Variants in EYA3 observed in about 807,000 individuals in gnomAD.
EYA3 encodes EYA transcriptional coactivator and phosphatase 3.
A neutral mutation model predicts 80.0 loss-of-function variants in EYA3; 39 were observed. The observed-to-expected ratio is 0.49, with a 90% confidence interval of 0.38 to 0.64. The LOEUF is 0.64. Among genes scored for constraint, EYA3 ranks in the 30% least tolerant of loss-of-function variants. The probability of loss-of-function intolerance (pLI) is 0.00; values close to 1 mark genes in which losing one functional copy is unlikely to be tolerated. For missense variants in EYA3, 523 were observed against 676.1 expected (o/e 0.77, Z 2.51); for synonymous variants, 206 against 232.8 (o/e 0.88, Z 1.05).
At chr1:28,046,861 T>G (rs1232199829) in intron 3 of EYA3, among the ~76,000 whole-genome samples, 1 of 148,376 alleles carries the variant, frequency 6.7e-6, no homozygotes. Context: ...TTTTTTTAAA[T>G]GAGACAGCAT....
intron 17 of EYA3, chr1:27,977,520 G>A (rs942469509): frequency 1.6e-5 from 15 of 922,040 alleles, no homozygotes; most frequent in Admixed American, 1.1e-4. Flanking sequence ...AAGTTCTATA[G>A]CCAAGACTCT....
intron 4 of EYA3, among the ~76,000 whole-genome samples, chr1:28,040,858 G>A (rs879920468): frequency 6.6e-6 from 1 of 151,866 alleles, no homozygotes; most frequent in South Asian, 2.1e-4. Flanking sequence ...GAGGGGCAGG[G>A]GGGGGTCGGG....
At chr1:27,978,712 C>G (rs1479021744) in intron 16 of EYA3, among the ~76,000 whole-genome samples, 1 of 152,200 alleles carries the variant, frequency 6.6e-6, no homozygotes, top group Non-Finnish European at 1.5e-5. Context: ...GCCTGTAATC[C>G]CAGCACTTTG....
At chr1:27,988,216 C>T (rs1308483900) in intron 16 of EYA3, among the ~76,000 whole-genome samples, 1 of 152,084 alleles carries the variant, frequency 6.6e-6, no homozygotes, top group Non-Finnish European at 1.5e-5. Context: ...TAACCTAGTG[C>T]TTTTTCTATT....
intron 16 of EYA3, among the ~76,000 whole-genome samples, chr1:27,984,671 G>A (rs1010871729): frequency 2.6e-5 from 4 of 152,200 alleles, no homozygotes; most frequent in East Asian, 1.9e-4. Context: ...GTGCCTTGGC[G>A]TTGCCTAGCA....
intron 4 of EYA3, among the ~76,000 whole-genome samples, chr1:28,039,134 G>A (rs985895202): frequency 1.3e-5 from 2 of 152,196 alleles, no homozygotes; most frequent in African/African-American, 4.8e-5. Context: ...GAAAAGAGCT[G>A]AAGGTTGGTA....
chr1:28,060,659 C>A (rs763002227), intron 1 of EYA3, among the ~76,000 whole-genome samples: 43 of 152,164 alleles, frequency 2.8e-4, no homozygotes, highest in African/African-American at 6.0e-4. Flanking sequence ...CTTTAAAATT[C>A]TCTGTCTTCT....
intron 1 of EYA3, among the ~76,000 whole-genome samples, chr1:28,074,222 T>C (rs1470594628): frequency 6.6e-6 from 1 of 152,218 alleles, no homozygotes; most frequent in Non-Finnish European, 1.5e-5. Flanking sequence ...TCAGATACCC[T>C]TTCCTTATTT....
In EYA3 at chr1:28,080,924, AT is replaced by A. The variant is rs758922041; in HGVS notation, c.-69+7599del. On this transcript the variant is annotated intron_variant, in intron 1 of 17. Coordinates refer to ENST00000373871, the MANE Select transcript of EYA3 (RefSeq NM_001990.4). Reference sequence around the variant, plus strand: ...TGCCACCATGCCTGGCTAATTTTGTATTTTTTTTTTTGGTAGAGACGGGGTT... The same window carrying A: ...TGCCACCATGCCTGGCTAATTTTGTATTTTTTTTTTGGTAGAGACGGGGTT... Among the ~76,000 whole-genome samples, 1,137 of 144,476 alleles carry A rather than the reference AT, an allele frequency of 7.9e-3. 6 individuals carry two copies. The highest frequency in any genetic ancestry group is 0.011 in the Non-Finnish European group (751 of 65,452). The allele number at this position is 144,476 out of a possible 152,430, so 94.8% of individuals were successfully genotyped here.
chr1:28,001,495 T>C, intron 11 of EYA3, among the ~76,000 whole-genome samples: 1 of 144,420 alleles, frequency 6.9e-6, no homozygotes, highest in Non-Finnish European at 1.5e-5. Flanking sequence ...ACGCCTGTAA[T>C]CGCAGCACTT....
rs147282800 is a variant in EYA3, at chr1:27,986,009, C to A, written c.1540+2526G>T. Reference sequence around the variant, plus strand: ...AATCCTTGTCCTTGATGTTTATTTTCTTTTTCCTTTAAAAAAAAAAGCTGG... The same window carrying A: ...AATCCTTGTCCTTGATGTTTATTTTATTTTTCCTTTAAAAAAAAAAGCTGG... On this transcript the variant is annotated intron_variant, in intron 16 of 17. Coordinates refer to ENST00000373871, the MANE Select transcript of EYA3 (RefSeq NM_001990.4). 5.2e-3 allele frequency among the ~76,000 whole-genome samples: 786 copies of A among 152,014 alleles called. 18 individuals carry two copies. The highest frequency in any genetic ancestry group is 0.04 in the Admixed American group (615 of 15,256).
rs576431639 is a variant in EYA3 at position 28,007,971 on chromosome 1, C to T, written c.909+2976G>A. Among the ~76,000 whole-genome samples, 10 of 152,296 alleles carry T rather than the reference C, an allele frequency of 6.6e-5. No individual in the cohort carries two copies. In the East Asian group the frequency reaches 1.9e-3, roughly 29 times the overall value. ...ATAGAACAAAGTTGAAGGATTCACA[C>T]TTCCTGATTTCAAAACTTACAGTAA... On this transcript the variant is annotated intron_variant, in intron 10 of 17. Coordinates refer to ENST00000373871, the MANE Select transcript of EYA3 (RefSeq NM_001990.4).
intron 2 of EYA3, among the ~76,000 whole-genome samples, chr1:28,051,483 T>C (rs980926446): frequency 1.3e-5 from 2 of 151,608 alleles, no homozygotes; most frequent in Non-Finnish European, 2.9e-5. Context: ...AGGTCAGGAG[T>C]CCGAGACCAG....
At chr1:28,073,614 TTAG>T (rs1392209732) in intron 1 of EYA3, among the ~76,000 whole-genome samples, 3 of 151,978 alleles carry the variant, frequency 2.0e-5, no homozygotes, top group Non-Finnish European at 4.4e-5. Context: ...TTTTGTATTT[TTAG>T]TAGAAATGGG....
intron 7 of EYA3, among the ~76,000 whole-genome samples, chr1:28,026,136 C>T (rs11247739): frequency 0.26 from 39,434 of 152,192 alleles, 5,164 homozygotes; most frequent in Non-Finnish European, 0.28. Flanking sequence ...GAAATAAGCA[C>T]AGCTATCACA....
Position 28,084,577 on chromosome 1 carries a change from ATATATATATATATATATATTTTTTTTTTT to A in EYA3, c.-69+3918_-69+3946del, listed in dbSNP as rs1427872116. 9.7e-3 allele frequency among the ~76,000 whole-genome samples: 143 copies of A among 14,710 alleles called. 4 individuals are homozygous for A. Among genetic ancestry groups the A allele is most frequent in the African/African-American group, 0.03 (140 of 4,696 alleles). The allele number at this position is 14,710 out of a possible 152,430, so 9.7% of individuals were successfully genotyped here. ...CCAAAATATATATATATATATATAT[ATATATATATATATATATATTTTTTTTTTT>A]TTTTTTTTTTTTTTTTTTTTTGAGA... On this transcript the variant is annotated intron_variant, in intron 1 of 17. Transcript: ENST00000373871.
At chr1:27,998,208 G>A (rs1640588919) in intron 12 of EYA3, 1 of 535,258 alleles carries the variant, frequency 1.9e-6, no homozygotes, top group African/African-American at 2.1e-5. Context: ...ATTTCTGAGA[G>A]TGAAGTCCTA....
At chr1:28,024,291 T>A (rs1196267767) in intron 7 of EYA3, among the ~76,000 whole-genome samples, 7 of 151,466 alleles carry the variant, frequency 4.6e-5, no homozygotes, top group African/African-American at 1.7e-4. Context: ...AAAAATTTTT[T>A]TAAAAATCTC....
chr1:28,064,228 T>C (rs1644745922), intron 1 of EYA3, among the ~76,000 whole-genome samples: 1 of 152,106 alleles, frequency 6.6e-6, no homozygotes, highest in African/African-American at 2.4e-5. Context: ...AGACGTTGCT[T>C]TCAATTTCAA....
Sources: gnomAD v4.1 joint callset for allele counts (sites outside exome capture counted in the v4.1 genomes callset) on GRCh38, gnomAD v4.1.1 for gene constraint, MANE v1.5 for transcripts, NCBI Gene and HGNC (gene_info 2026-07-23, HGNC 2026-07-21) for gene names.